The following CDK8 variants were observed in gnomAD, a reference collection of about 807,000 sequenced individuals.
The protein encoded by CDK8 is cyclin-dependent kinase 8.
CDK8 carries 29 observed loss-of-function variants against 71.5 expected under a neutral mutation model. The ratio of observed to expected loss-of-function variants is 0.41; its 90% CI spans 0.30 to 0.55. The LOEUF (loss-of-function observed/expected upper bound fraction) is 0.55. CDK8 is among the 20% of genes least tolerant of loss of function. CDK8 has a pLI of 0.37. For missense variants in CDK8, 288 were observed against 572.6 expected, an observed-to-expected ratio of 0.50 and a Z score of 5.07; for synonymous variants, 161 against 192.1, an observed-to-expected ratio of 0.84 and a Z score of 1.34.
At chr13:26,392,324 C>CCT (rs1875784970) in intron 6 of CDK8, among the ~76,000 whole-genome samples, 1 of 100,340 alleles carries the variant, frequency 1.0e-5, no homozygotes, top group African/African-American at 3.9e-5. Flanking sequence ...ATTTATAACC[C>CCT]TTTTTTTTTT....
rs1200876507 is a variant in CDK8 at position 26,254,473 on chromosome 13, G to A, written c.-169G>A. 8 of 526,674 alleles carry A rather than the reference G, an allele frequency of 1.5e-5. No individual in the cohort carries two copies. Among genetic ancestry groups the A allele is most frequent in the Admixed American group, 1.1e-4 (3 of 27,498 alleles). The allele number at this position is 526,674 out of a possible 1,614,324, so 32.6% of individuals were successfully genotyped here. ...CGCCGTCCCCCTGGATGTCCCTGGCGCTTTCGCGGGGCCTCCTCCTGCTCT... is the reference window on the plus strand; with the variant it reads ...CGCCGTCCCCCTGGATGTCCCTGGCACTTTCGCGGGGCCTCCTCCTGCTCT... On this transcript the variant is annotated 5_prime_UTR_variant, in exon 1 of 13. Transcript: ENST00000381527. This position sits in a 1 kb window ranked among gnomAD's most constrained non-coding sequence, Gnocchi z 6.7.
intron 1 of CDK8, among the ~76,000 whole-genome samples, chr13:26,332,749 C>T (rs755154112): frequency 1.2e-4 from 19 of 152,010 alleles, no homozygotes; most frequent in Non-Finnish European, 2.8e-4. Context: ...AGCTATATTC[C>T]TTCTATGCCT....
chr13:26,323,194 C>T (rs1367432997), intron 1 of CDK8, among the ~76,000 whole-genome samples: 1 of 152,076 alleles, frequency 6.6e-6, no homozygotes. Context: ...CATTTAACTT[C>T]TCCCAGTTCT....
intron 7 of CDK8, among the ~76,000 whole-genome samples, chr13:26,395,320 A>G (rs535905654): frequency 6.6e-6 from 1 of 151,816 alleles, no homozygotes; most frequent in East Asian, 2.0e-4. Context: ...CATGGTGGCT[A>G]CATGCCTGTA....
intron 1 of CDK8, among the ~76,000 whole-genome samples, chr13:26,268,256 AACACAC>A (rs3027999): frequency 0.15 from 17,135 of 116,660 alleles, 1,379 homozygotes; most frequent in East Asian, 0.21. Context: ...CCCCTCCCCC[AACACAC>A]ACACACACAC....
At chr13:26,257,921 TGAGA>T (rs373368489) in intron 1 of CDK8, among the ~76,000 whole-genome samples, 1,273 of 120,394 alleles carry the variant, frequency 0.011, 9 homozygotes, top group Middle Eastern at 0.028. Flanking sequence ...TGTGTGTGTG[TGAGA>T]GAGAGAGAGA....
Position 26,254,561 on chromosome 13 carries a change from T to A in CDK8, c.-81T>A. 1.6e-6 allele frequency: 2 copies of A among 1,282,360 alleles called. No individual in the cohort carries two copies. The highest frequency in any genetic ancestry group is 2.1e-6 in the Non-Finnish European group (2 of 939,448). 79.4% of individuals were successfully genotyped at this position (1,282,360 alleles called of 1,614,324 possible). The stretch of plus-strand genomic sequence containing the variant: ...GTAGAGCGGGCGGGTTCCCGGGGGC[T>A]GCGGCTGCCCGTGCTTCCCCGGTCC... On this transcript the variant is annotated 5_prime_UTR_variant, in exon 1 of 13. Coordinates refer to ENST00000381527, the MANE Select transcript of CDK8 (RefSeq NM_001260.3). This position sits in a 1 kb window ranked among gnomAD's most constrained non-coding sequence, Gnocchi z 6.7.
At chr13:26,283,549 A>G (rs1233050268) in intron 1 of CDK8, among the ~76,000 whole-genome samples, 2 of 152,078 alleles carry the variant, frequency 1.3e-5, no homozygotes, top group African/African-American at 4.8e-5. Flanking sequence ...CAGGGGTTGC[A>G]GTGAGCCAAG....
chr13:26,350,962 A>C (rs1873656926), intron 3 of CDK8, among the ~76,000 whole-genome samples: 1 of 152,066 alleles, frequency 6.6e-6, no homozygotes, highest in African/African-American at 2.4e-5. Flanking sequence ...TTTTTTAAAA[A>C]TCTGAAACGT....
chr13:26,307,053 T>C (rs1874078376), intron 1 of CDK8, among the ~76,000 whole-genome samples: 2 of 152,178 alleles, frequency 1.3e-5, no homozygotes, highest in South Asian at 2.1e-4. Flanking sequence ...AAAGACATAC[T>C]AAGAACATAA....
intron 1 of CDK8, among the ~76,000 whole-genome samples, chr13:26,257,540 C>T (rs1039037597): frequency 1.2e-4 from 19 of 152,062 alleles, no homozygotes; most frequent in African/African-American, 4.6e-4. Context: ...CTCGTGTCGC[C>T]GTAAATGAGA....
At chr13:26,355,835 C>T (rs1460640764) in intron 4 of CDK8, among the ~76,000 whole-genome samples, 1 of 152,030 alleles carries the variant, frequency 6.6e-6, no homozygotes, top group Non-Finnish European at 1.5e-5. Flanking sequence ...GCTAAGATAG[C>T]TCTACATTTT....
At chr13:26,360,277 G>A (rs893359796) in intron 4 of CDK8, among the ~76,000 whole-genome samples, 6 of 152,148 alleles carry the variant, frequency 3.9e-5, no homozygotes, top group African/African-American at 1.4e-4. Context: ...GCAATATAGT[G>A]AGACTCTGTC....
Position 26,378,125 on chromosome 13 carries a change from C to T in CDK8, c.457-4689C>T, listed in dbSNP as rs1030770984. ...TTCACCCCTGGAATAAAGTTATTGCCGTTAACTTGGCAGATGTGCCACCAT... is the reference window on the plus strand; with the variant it reads ...TTCACCCCTGGAATAAAGTTATTGCTGTTAACTTGGCAGATGTGCCACCAT... On this transcript the variant is annotated intron_variant, in intron 4 of 12. Coordinates refer to ENST00000381527, the MANE Select transcript of CDK8 (RefSeq NM_001260.3). 3.9e-5 allele frequency among the ~76,000 whole-genome samples: 6 copies of T among 152,290 alleles called. No homozygotes were observed. The South Asian group carries it at 8.3e-4, about 21-fold the overall frequency.
Position 26,401,261 on chromosome 13 carries a change from A to G in CDK8, c.1032-8A>G, listed in dbSNP as rs367829058. The G allele has an allele frequency of 5.0e-6, 8 of 1,609,744 alleles. No homozygotes were observed. Among genetic ancestry groups the G allele is most frequent in the Non-Finnish European group, 6.8e-6 (8 of 1,177,294 alleles). ...ACCAGAAATGGTTTTTCTTTTTCTT[A>G]TGATCAGCGTTTTTGCCGGTTGTCA... On this transcript the variant is annotated splice_region_variant and splice_polypyrimidine_tract_variant and intron_variant, in intron 10 of 12. Coordinates refer to ENST00000381527, the MANE Select transcript of CDK8 (RefSeq NM_001260.3). This position sits in a 1 kb window ranked among gnomAD's most constrained non-coding sequence, Gnocchi z 4.5.
intron 2 of CDK8, among the ~76,000 whole-genome samples, chr13:26,344,545 A>G (rs1265768454): frequency 6.6e-6 from 1 of 152,158 alleles, no homozygotes; most frequent in Non-Finnish European, 1.5e-5. Context: ...CAGATAGATC[A>G]CTGGAGGCCA....
At chr13:26,327,757 A>C (rs1259843401) in intron 1 of CDK8, among the ~76,000 whole-genome samples, 1 of 152,132 alleles carries the variant, frequency 6.6e-6, no homozygotes, top group Non-Finnish European at 1.5e-5. Flanking sequence ...TGAACCCGGG[A>C]GGTGGAGGTT....
chr13:26,323,363 G>T (rs2137951452), intron 1 of CDK8, among the ~76,000 whole-genome samples: 1 of 149,760 alleles, frequency 6.7e-6, no homozygotes, highest in East Asian at 2.0e-4. Context: ...GAGAGGGAGA[G>T]GGAGAGGGAG....
At chr13:26,384,812 G>T (rs1267885694) in intron 5 of CDK8, among the ~76,000 whole-genome samples, 1 of 152,258 alleles carries the variant, frequency 6.6e-6, no homozygotes, top group African/African-American at 2.4e-5. Context: ...CAGTGAACAG[G>T]CTTGTTGATG....
Sources: allele counts gnomAD v4.1 joint callset (sites outside exome capture counted in the v4.1 genomes callset), GRCh38; gene constraint gnomAD v4.1.1; non-coding constraint Gnocchi (gnomAD v3.1); transcripts MANE v1.5; gene names NCBI Gene and HGNC (gene_info 2026-07-23, HGNC 2026-07-21).